Variants in RNF111 observed in about 807,000 individuals in gnomAD.
RNF111 encodes ring finger protein 111.
Under a neutral mutation model 95.1 loss-of-function variants are expected in RNF111, and 17 were observed. The observed-to-expected ratio is 0.18, with a 90% CI of 0.12 to 0.27. The LOEUF is 0.27. RNF111 is among the 10% of genes least tolerant of loss of function. RNF111 has a pLI of 1.00. For missense variants in RNF111, 1,189 were observed against 1,210.4 expected, an observed-to-expected ratio of 0.98 and a Z score of 0.26; for synonymous variants, 440 against 414.8, an observed-to-expected ratio of 1.06 and a Z score of -0.74.
chr15:59,014,125 A>G (rs77274335), intron 1 of RNF111, among the ~76,000 whole-genome samples: 10,646 of 152,192 alleles, frequency 0.07, 342 homozygotes, highest in Middle Eastern at 0.095. Flanking sequence ...TTAATACTAC[A>G]TTATTTATTT....
intron 5 of RNF111, among the ~76,000 whole-genome samples, chr15:59,066,381 C>T (rs144032682): frequency 0.015 from 2,317 of 152,178 alleles, 51 homozygotes; most frequent in African/African-American, 0.053. Context: ...GAGGCTGAGG[C>T]GGGCAGATCA....
In RNF111 at chr15:59,058,527, G is replaced by C; in HGVS notation, c.1343G>C (p.Ser448Thr). The C allele has an allele frequency of 1.9e-6, 3 of 1,613,902 alleles. No homozygotes were observed. The change falls in exon 5 of 14, where the codon AGT becomes ACT. Residue 448 changes from serine to threonine, a missense_variant. By Grantham distance (58) the Ser-to-Thr change is moderately conservative. Around this residue, in one of 2 missense-constraint regions of RNF111, gnomAD observed 1,024 missense variants for 925.9 expected, o/e 1.11. Coordinates refer to ENST00000348370, the MANE Select transcript of RNF111 (RefSeq NM_017610.8). ...ACTTCAGCTACTCTTACAAGCAATA[G>C]TACCACTGGCACTTCTATAGGAGGT... is the stretch of plus-strand genomic sequence containing the variant. ...SETSATLTSNSTTGTSIGDDS... is the reference protein window; with the variant it reads ...SETSATLTSNTTTGTSIGDDS...
intron 2 of RNF111, among the ~76,000 whole-genome samples, chr15:59,052,016 T>C (rs146313614): frequency 4.5e-4 from 69 of 152,186 alleles, no homozygotes; most frequent in Middle Eastern, 3.4e-3. Context: ...GATAAATATC[T>C]ATATAAGATC....
At chr15:59,081,797 C>G (rs151103723) in intron 8 of RNF111, among the ~76,000 whole-genome samples, 27 of 152,118 alleles carry the variant, frequency 1.8e-4, no homozygotes, top group African/African-American at 6.5e-4. Context: ...GAGGCTGAGG[C>G]GGGAGGATCG....
chr15:59,022,260 T>C (rs1257856690), intron 1 of RNF111, among the ~76,000 whole-genome samples: 13 of 152,164 alleles, frequency 8.5e-5, no homozygotes, highest in African/African-American at 3.1e-4. Flanking sequence ...CTACCCTAAG[T>C]GTTTTGAGGT....
At chr15:59,020,953 G>A (rs1299045411) in intron 1 of RNF111, among the ~76,000 whole-genome samples, 2 of 152,230 alleles carry the variant, frequency 1.3e-5, no homozygotes, top group South Asian at 4.1e-4. Flanking sequence ...TGGGGAACAG[G>A]TGGTGTTTGG....
chr15:59,004,082 C>T (rs1410349269), intron 1 of RNF111: 2 of 913,046 alleles, frequency 2.2e-6, no homozygotes, highest in African/African-American at 1.8e-5. Context: ...TTTTGAAACC[C>T]TCTTCCCAGA....
chr15:59,046,492 C>G (rs1474366473), intron 2 of RNF111, among the ~76,000 whole-genome samples: 2 of 152,218 alleles, frequency 1.3e-5, no homozygotes, highest in African/African-American at 4.8e-5. Context: ...TGTACCTGGC[C>G]TGTTCTGTTC....
chr15:58,995,096 G>T (rs1011833721), intron 1 of RNF111, among the ~76,000 whole-genome samples: 1 of 152,056 alleles, frequency 6.6e-6, no homozygotes, highest in African/African-American at 2.4e-5. Context: ...CAATCTGTGG[G>T]GATAACTTTG....
intron 1 of RNF111, among the ~76,000 whole-genome samples, chr15:59,005,533 A>G (rs906492845): frequency 6.6e-6 from 1 of 152,046 alleles, no homozygotes; most frequent in Non-Finnish European, 1.5e-5. Context: ...TTTTATTTTT[A>G]TTTATTTTGT....
At chr15:59,051,791 AAATAAATAAATAAATG>A (rs1475830655) in intron 2 of RNF111, among the ~76,000 whole-genome samples, 10 of 97,386 alleles carry the variant, frequency 1.0e-4, no homozygotes, top group African/African-American at 2.9e-4. Context: ...ATAAATAAAT[AAATAAATAAATAAATG>A]AATAAATAAA....
chr15:59,075,870 G>A, intron 6 of RNF111, 84 bp from the exon 7 acceptor site: 1 of 1,408,762 alleles, frequency 7.1e-7, no homozygotes, highest in South Asian at 1.4e-5. Flanking sequence ...TGTTTTTTTG[G>A]TTATATTAGG....
intron 1 of RNF111, among the ~76,000 whole-genome samples, chr15:59,026,885 A>G (rs1183148718): frequency 9.9e-5 from 15 of 152,132 alleles, no homozygotes; most frequent in Non-Finnish European, 1.6e-4. Context: ...CTGGTGTACA[A>G]ACACACACCA....
chr15:59,021,476 A>G (rs1343055311), intron 1 of RNF111, among the ~76,000 whole-genome samples: 1 of 152,064 alleles, frequency 6.6e-6, no homozygotes, highest in Non-Finnish European at 1.5e-5. Context: ...CTCAAAGATT[A>G]CATTTATTTT....
intron 2 of RNF111, among the ~76,000 whole-genome samples, chr15:59,041,515 T>C (rs751566517): frequency 2.3e-4 from 35 of 152,062 alleles, no homozygotes; most frequent in Non-Finnish European, 4.1e-4. Flanking sequence ...ATCTAGAGAT[T>C]GTGCCACTGC....
rs1295419510 is a variant in RNF111, at chr15:59,004,120, T to C, written c.-20+16052T>C. Reference sequence around the variant, plus strand: ...CTTGGATTTATTTATTTTATTCCAGTGTGAATGCATGTTTTTTCCCTCATA... The same window carrying C: ...CTTGGATTTATTTATTTTATTCCAGCGTGAATGCATGTTTTTTCCCTCATA... On this transcript the variant is annotated intron_variant, in intron 1 of 13. Coordinates refer to ENST00000348370, the MANE Select transcript of RNF111 (RefSeq NM_017610.8). 3.3e-6 allele frequency: 4 copies of C among 1,198,196 alleles called. No individual in the cohort carries two copies. The African/African-American group carries it at 6.4e-5, about 19-fold the overall frequency. The allele number at this position is 1,198,196 out of a possible 1,614,324, so 74.2% of individuals were successfully genotyped here.
At chr15:59,006,051 A>G (rs927841786) in intron 1 of RNF111, among the ~76,000 whole-genome samples, 5 of 152,212 alleles carry the variant, frequency 3.3e-5, no homozygotes, top group African/African-American at 9.6e-5. Flanking sequence ...CATCTAAAGT[A>G]TATTTTTATC....
chr15:58,992,446 G>C (rs1444449969), intron 1 of RNF111, among the ~76,000 whole-genome samples: 1 of 152,200 alleles, frequency 6.6e-6, no homozygotes, highest in Non-Finnish European at 1.5e-5. Flanking sequence ...TAATTGTTGG[G>C]TTGGGGTGAT....
rs141349598 is a variant in RNF111 at position 59,015,672 on chromosome 15, A to G, written c.-19-15132A>G. On this transcript the variant is annotated intron_variant, in intron 1 of 13. Coordinates refer to ENST00000348370, the MANE Select transcript of RNF111 (RefSeq NM_017610.8). ...AACCTACAGCCCCAAGCATTAGAGT[A>G]TTTAGATGTTGCCATTTCTTAGCAT... Among the ~76,000 whole-genome samples, 501 of 151,138 alleles carry G rather than the reference A, an allele frequency of 3.3e-3. 1 individual carries two copies. The highest frequency in any genetic ancestry group is 5.1e-3 in the Non-Finnish European group (343 of 67,832).
Sources: gnomAD v4.1 joint callset for allele counts (sites outside exome capture counted in the v4.1 genomes callset) on GRCh38, gnomAD v4.1.1 for gene constraint, gnomAD v4.1.1 regional missense constraint, MANE v1.5 for transcripts, NCBI Gene and HGNC (gene_info 2026-07-23, HGNC 2026-07-21) for gene names.